Variants in GRM8 observed in about 807,000 individuals in gnomAD.
GRM8 encodes metabotropic glutamate receptor 8.
GRM8 carries 47 observed loss-of-function variants against 87.2 expected under a neutral mutation model. That is an observed-to-expected ratio of 0.54 (90% CI 0.43 to 0.69). The LOEUF is 0.69. GRM8 is among the 30% of genes least tolerant of loss of function. The pLI, the probability that GRM8 is intolerant of heterozygous loss-of-function variation, is 0.00. For missense variants in GRM8, 1,019 were observed against 1,139.2 expected (o/e 0.89, Z 1.52); for synonymous variants, 396 against 404.5 (o/e 0.98, Z 0.25).
intron 1 of GRM8, chr7:127,250,998 G>T (rs1225957758): frequency 3.3e-5 from 5 of 152,182 alleles, no homozygotes; most frequent in Non-Finnish European, 7.3e-5. Flanking sequence ...ATTCAATCGC[G>T]GTAGTAGCCC....
At chr7:127,196,874 T>A (rs1231524645) in intron 2 of GRM8, among the ~76,000 whole-genome samples, 1 of 152,144 alleles carries the variant, frequency 6.6e-6, no homozygotes. Flanking sequence ...AGCTAATACA[T>A]TTAAAGTGAT....
intron 9 of GRM8, among the ~76,000 whole-genome samples, chr7:126,522,473 T>C (rs1813129353): frequency 6.6e-6 from 1 of 152,196 alleles, no homozygotes; most frequent in South Asian, 2.1e-4. Context: ...CTTCATAAAA[T>C]GACTCCCAAT....
chr7:126,475,302 T>TA (rs1489481434), intron 9 of GRM8, among the ~76,000 whole-genome samples: 1 of 151,950 alleles, frequency 6.6e-6, no homozygotes, highest in African/African-American at 2.4e-5. Flanking sequence ...AATCAATATA[T>TA]AAAAATCGGT....
At chr7:126,671,209 A>G (rs1279540626) in intron 7 of GRM8, among the ~76,000 whole-genome samples, 1 of 152,164 alleles carries the variant, frequency 6.6e-6, no homozygotes, top group Non-Finnish European at 1.5e-5. Flanking sequence ...CAGGTCCAGG[A>G]GCTCCAAGTT....
At chr7:126,595,131 C>T (rs1339905714) in intron 8 of GRM8, among the ~76,000 whole-genome samples, 7 of 152,008 alleles carry the variant, frequency 4.6e-5, no homozygotes, top group Admixed American at 4.6e-4. Context: ...GTTTACACAG[C>T]TTTGATGAAA....
At chr7:126,682,573 A>G (rs948861127) in intron 7 of GRM8, among the ~76,000 whole-genome samples, 3 of 152,214 alleles carry the variant, frequency 2.0e-5, no homozygotes, top group Non-Finnish European at 2.9e-5. Context: ...TCAGCAAAGA[A>G]TGGTCGGCAC....
At chr7:127,218,646 T>C (rs1257327880) in intron 2 of GRM8, among the ~76,000 whole-genome samples, 3 of 152,142 alleles carry the variant, frequency 2.0e-5, no homozygotes, top group Admixed American at 6.5e-5. Context: ...CTTGGGCTCC[T>C]TGGGGCGTGG....
Position 126,609,510 on chromosome 7 carries a change from T to TA in GRM8, c.1358-13dup, listed in dbSNP as rs774460881. The TA allele has an allele frequency of 6.2e-7, 1 of 1,602,208 alleles. No homozygotes were observed. ...AGTGCCAGCACTGCCTATAAAGATT[T>TA]AGAAAACAATGTTAATAAAGTTTTA... On this transcript the variant is annotated splice_polypyrimidine_tract_variant and intron_variant, in intron 7 of 10. Transcript: ENST00000339582.
Position 126,733,008 on chromosome 7 carries a change from A to AT in GRM8, c.1357+36856dup, listed in dbSNP as rs910274770. ...TAAAACATTAGGAAAATTGTCTGCA[A>AT]TTTTTTTTTTAAGCTCATCAGCTAT... On this transcript the variant is annotated intron_variant, in intron 7 of 10. Transcript: ENST00000339582. 1.9e-4 allele frequency among the ~76,000 whole-genome samples: 29 copies of AT among 149,894 alleles called. No individual in the cohort carries two copies. In the South Asian group the frequency reaches 3.0e-3, roughly 15 times the overall value.
intron 6 of GRM8, among the ~76,000 whole-genome samples, chr7:126,862,837 T>C (rs916764133): frequency 7.9e-5 from 12 of 152,120 alleles, no homozygotes; most frequent in Non-Finnish European, 1.6e-4. Context: ...CTGTATGTGT[T>C]AATGTGTGCT....
At chr7:127,249,974 C>A (rs1287170882) in intron 1 of GRM8, among the ~76,000 whole-genome samples, 2 of 152,146 alleles carry the variant, frequency 1.3e-5, no homozygotes, top group Non-Finnish European at 2.9e-5. Context: ...TGGGACAGAG[C>A]AACTCCACTC....
In GRM8 at chr7:126,911,136, C is replaced by T. The variant is rs115893127; in HGVS notation, c.728-6453G>A. Reference sequence around the variant, plus strand: ...CAGCCCTAAAACACAGGTTTTTCAACAGATCATATTTTTGAATCTTCACCA... The same window carrying T: ...CAGCCCTAAAACACAGGTTTTTCAATAGATCATATTTTTGAATCTTCACCA... On this transcript the variant is annotated intron_variant, in intron 3 of 10. Transcript: ENST00000339582. Among the ~76,000 whole-genome samples, 757 of 152,290 alleles carry T rather than the reference C, an allele frequency of 5.0e-3. 6 individuals carry two copies. The highest frequency in any genetic ancestry group is 0.017 in the African/African-American group (725 of 41,546).
intron 9 of GRM8, among the ~76,000 whole-genome samples, chr7:126,503,440 T>A (rs891191590): frequency 6.6e-6 from 1 of 152,022 alleles, no homozygotes; most frequent in South Asian, 2.1e-4. Context: ...TTTGGGATTA[T>A]CAAATATTGA....
At chr7:126,453,700 TTTG>T (rs1434099003) in intron 9 of GRM8, among the ~76,000 whole-genome samples, 2 of 151,834 alleles carry the variant, frequency 1.3e-5, no homozygotes, top group Non-Finnish European at 2.9e-5. Flanking sequence ...TAGTAAATAA[TTTG>T]TTTTTATTAA....
intron 6 of GRM8, among the ~76,000 whole-genome samples, chr7:126,803,856 G>C (rs534783930): frequency 3.3e-5 from 5 of 152,310 alleles, no homozygotes; most frequent in African/African-American, 9.6e-5. Flanking sequence ...CTGCCTCATA[G>C]GATTAAATGA....
intron 6 of GRM8, among the ~76,000 whole-genome samples, chr7:126,841,145 C>T (rs188978166): frequency 7.9e-4 from 121 of 152,320 alleles, no homozygotes; most frequent in African/African-American, 2.8e-3. Flanking sequence ...AACAAAATAA[C>T]CCCCAAATTT....
At chr7:126,736,709 A>C (rs1406344265) in intron 7 of GRM8, among the ~76,000 whole-genome samples, 1 of 152,106 alleles carries the variant, frequency 6.6e-6, no homozygotes, top group Non-Finnish European at 1.5e-5. Flanking sequence ...TTTTCATATG[A>C]AACCAAATAT....
intron 9 of GRM8, among the ~76,000 whole-genome samples, chr7:126,504,209 T>A (rs1419394616): frequency 2.0e-5 from 3 of 152,074 alleles, no homozygotes; most frequent in Non-Finnish European, 4.4e-5. Context: ...TATGTCTTTA[T>A]AATTATCAAA....
rs547310351 is a variant in GRM8, at chr7:126,729,531, T to C, written c.1357+40334A>G. Among the ~76,000 whole-genome samples the C allele has an allele frequency of 4.6e-5, 7 of 152,282 alleles. No homozygotes were observed. In the South Asian group the frequency reaches 1.0e-3, roughly 23 times the overall value. ...TTTCTTCTCCTTTCTCTCCCTGTCTTAGTTCTCCACTCTTTTACCAGTCCA... is the reference window on the plus strand; with the variant it reads ...TTTCTTCTCCTTTCTCTCCCTGTCTCAGTTCTCCACTCTTTTACCAGTCCA... On this transcript the variant is annotated intron_variant, in intron 7 of 10. Coordinates refer to ENST00000339582, the MANE Select transcript of GRM8 (RefSeq NM_000845.3).
Sources: gnomAD v4.1 joint callset for allele counts (sites outside exome capture counted in the v4.1 genomes callset) on GRCh38, gnomAD v4.1.1 for gene constraint, MANE v1.5 for transcripts, NCBI Gene and HGNC (gene_info 2026-07-23, HGNC 2026-07-21) for gene names.